Variants in CCDC141 observed in about 807,000 individuals in gnomAD.
CCDC141 encodes the protein coiled-coil domain containing 141.
CCDC141 carries 168 observed loss-of-function variants against 181.0 expected under a neutral mutation model. The ratio of observed to expected loss-of-function variants is 0.93; its 90% CI spans 0.82 to 1.05. The LOEUF is 1.05. Ranked by LOEUF, CCDC141 falls within the 50% of genes least tolerant of loss-of-function variation. The pLI is 0.00. For synonymous variants in CCDC141, 666 were observed against 642.3 expected (o/e 1.04, Z -0.56); for missense variants, 1,902 against 1,788.5 (o/e 1.06, Z -1.14).
intron 21 of CCDC141, among the ~76,000 whole-genome samples, chr2:178,846,777 T>C (rs1684956675): frequency 6.6e-6 from 1 of 152,204 alleles, no homozygotes; most frequent in Non-Finnish European, 1.5e-5. Context: ...CTTTCACCTC[T>C]ACACAGAAAA....
chr2:178,889,649 C>T (rs539707069), intron 8 of CCDC141, among the ~76,000 whole-genome samples: 10 of 152,064 alleles, frequency 6.6e-5, no homozygotes, highest in South Asian at 2.1e-4. Context: ...CCTAAATGAC[C>T]GAGAGGTAAA....
intron 22 of CCDC141, among the ~76,000 whole-genome samples, chr2:178,844,819 AG>A (rs1684868023): frequency 6.6e-6 from 1 of 152,252 alleles, no homozygotes; most frequent in African/African-American, 2.4e-5. Flanking sequence ...AGCACGGTTC[AG>A]AATAATGTTG....
At chr2:178,905,554 T>C (rs1687926165) in intron 7 of CCDC141, 53 bp from the exon 8 acceptor site, 2 of 1,473,872 alleles carry the variant, frequency 1.4e-6, no homozygotes, top group South Asian at 2.6e-5. Context: ...AAAATCTACA[T>C]CAACGTGTAC....
At chr2:178,955,694 A>AAT (rs1491579659) in intron 5 of CCDC141, among the ~76,000 whole-genome samples, 8 of 152,338 alleles carry the variant, frequency 5.3e-5, no homozygotes, top group Admixed American at 1.3e-4. Context: ...ACGCTTGGAT[A>AAT]AAAGTCTAGA....
intron 17 of CCDC141, among the ~76,000 whole-genome samples, chr2:178,862,549 G>C (rs1685667415): frequency 6.6e-6 from 1 of 152,116 alleles, no homozygotes; most frequent in South Asian, 2.1e-4. Context: ...CTTTGTGTAT[G>C]AACAACTTAT....
chr2:178,901,590 C>A (rs904424933), intron 8 of CCDC141, among the ~76,000 whole-genome samples: 7 of 152,086 alleles, frequency 4.6e-5, no homozygotes, highest in Middle Eastern at 3.4e-3. Context: ...TAAATTAGGT[C>A]TTGATGGGAC....
chr2:178,989,920 A>C (rs558441663), intron 2 of CCDC141, among the ~76,000 whole-genome samples: 5 of 150,706 alleles, frequency 3.3e-5, no homozygotes, highest in Non-Finnish European at 7.4e-5. Context: ...CAGGCGGATC[A>C]CCTGAGGTCA....
intron 7 of CCDC141, among the ~76,000 whole-genome samples, chr2:178,917,501 AG>A (rs1220968605): frequency 2.0e-5 from 3 of 152,214 alleles, no homozygotes; most frequent in African/African-American, 7.2e-5. Context: ...CATTGTATTC[AG>A]GGTGTTGATG....
rs1193261459 is a variant in CCDC141 at position 178,837,152 on chromosome 2, G to C, written c.4067C>G (p.Thr1356Ser). ...REKMHADNNFTKTQDRLHASS... is the reference protein window; with the variant it reads ...REKMHADNNFSKTQDRLHASS... The stretch of plus-strand genomic sequence containing the variant: ...AGCATGCAGCCTATCTTGGGTTTTA[G>C]TGAAGTTATTATCAGCATGCATTTT... Residue 1356 changes from threonine (T) to serine (S), a missense_variant, in exon 23 of 24, where the codon ACT becomes AGT. Physicochemically the swap from Thr to Ser is moderately conservative, Grantham distance 58 (BLOSUM62 1). Coordinates refer to ENST00000443758, the MANE Select transcript of CCDC141 (RefSeq NM_173648.4). The C allele has an allele frequency of 6.2e-7, 1 of 1,613,826 alleles. No homozygotes were observed. The highest frequency in any genetic ancestry group is 1.3e-5 in the African/African-American group (1 of 74,920).
At chr2:178,988,507 A>C (rs1691870578) in intron 2 of CCDC141, among the ~76,000 whole-genome samples, 1 of 152,048 alleles carries the variant, frequency 6.6e-6, no homozygotes, top group African/African-American at 2.4e-5. Context: ...AAATTGAAGA[A>C]GACCTAAATA....
chr2:178,884,630 AC>A (rs1481711169), intron 11 of CCDC141, among the ~76,000 whole-genome samples: 1 of 151,372 alleles, frequency 6.6e-6, no homozygotes, highest in Admixed American at 6.6e-5. Flanking sequence ...AAGTTCCCCA[AC>A]CCCCCTTTGG....
chr2:178,880,187 C>T (rs1168811961), intron 11 of CCDC141, among the ~76,000 whole-genome samples: 1 of 152,142 alleles, frequency 6.6e-6, no homozygotes, highest in Non-Finnish European at 1.5e-5. Flanking sequence ...TCAAAAAAGA[C>T]TCCTTGAATG....
chr2:178,929,896 T>C (rs1372163071), intron 6 of CCDC141, among the ~76,000 whole-genome samples: 1 of 152,026 alleles, frequency 6.6e-6, no homozygotes, highest in African/African-American at 2.4e-5. Context: ...AATCTGCCTT[T>C]AAAATATATG....
chr2:179,005,620 GTTTC>G (rs2042102741), intron 2 of CCDC141, among the ~76,000 whole-genome samples: 1 of 152,120 alleles, frequency 6.6e-6, no homozygotes, highest in South Asian at 2.1e-4. Context: ...CTGTGTTTGT[GTTTC>G]TTTCTTTCTT....
chr2:178,826,996 C>T (rs184263770), downstream of CCDC141, among the ~76,000 whole-genome samples: 250 of 152,142 alleles, frequency 1.6e-3, 1 homozygote, highest in African/African-American at 5.9e-3. Context: ...GCATTTAATG[C>T]TATACATTTT....
intron 21 of CCDC141, 44 bp downstream of exon 21, chr2:178,850,001 TTTTA>T: frequency 9.7e-7 from 1 of 1,033,684 alleles, no homozygotes. Context: ...ATTAACACAT[TTTTA>T]TTTATTTTGC....
chr2:178,974,120 A>G (rs184234417), intron 4 of CCDC141, among the ~76,000 whole-genome samples: 15 of 152,214 alleles, frequency 9.9e-5, no homozygotes, highest in African/African-American at 2.9e-4. Flanking sequence ...TGAGTTTTAG[A>G]AAGTTGTAAT....
intron 17 of CCDC141, among the ~76,000 whole-genome samples, chr2:178,860,007 A>C (rs1685533981): frequency 6.6e-6 from 1 of 152,260 alleles, no homozygotes; most frequent in Non-Finnish European, 1.5e-5. Context: ...ACAGAAATGC[A>C]TTTAATGCAT....
intron 12 of CCDC141, among the ~76,000 whole-genome samples, chr2:178,872,728 G>A (rs997122017): frequency 3.9e-5 from 6 of 152,180 alleles, no homozygotes; most frequent in African/African-American, 1.4e-4. Context: ...CATAGGAGGG[G>A]ACGGATTGTT....
Sources: gnomAD v4.1 joint callset for allele counts (sites outside exome capture counted in the v4.1 genomes callset) on GRCh38, gnomAD v4.1.1 for gene constraint, MANE v1.5 for transcripts, NCBI Gene and HGNC (gene_info 2026-07-23, HGNC 2026-07-21) for gene names.